The following PKP2 variants were observed in gnomAD, a reference collection of about 807,000 sequenced individuals.
PKP2 encodes plakophilin-2.
PKP2 carries 73 observed loss-of-function variants against 83.4 expected under a neutral mutation model. That is an observed-to-expected ratio of 0.88 (90% CI 0.72 to 1.06). PKP2 has a LOEUF of 1.06. Ranked by LOEUF, PKP2 falls within the 50% of genes least tolerant of loss-of-function variation. The pLI is 0.00. For missense variants in PKP2, 966 were observed against 1,065.4 expected (o/e 0.91, Z 1.30); for synonymous variants, 409 against 430.4 (o/e 0.95, Z 0.62).
intron 5 of PKP2, 85 bp downstream of exon 5, chr12:32,850,681 C>T (rs1956687479): frequency 9.7e-7 from 1 of 1,029,872 alleles, no homozygotes; most frequent in Admixed American, 1.9e-5. Context: ...TCATTTGCTC[C>T]AGGAAACTTA....
At chr12:32,855,564 C>A (rs575455577) in intron 4 of PKP2, among the ~76,000 whole-genome samples, 6 of 152,168 alleles carry the variant, frequency 3.9e-5, no homozygotes, top group Admixed American at 1.3e-4. Flanking sequence ...CACTTGAGGT[C>A]AGGAGTTCGA....
intron 5 of PKP2, among the ~76,000 whole-genome samples, chr12:32,850,155 G>A (rs904596780): frequency 1.3e-5 from 2 of 152,208 alleles, no homozygotes; most frequent in East Asian, 3.8e-4. Context: ...ATTGCAGTGA[G>A]TCTTGTCAAA....
chr12:32,797,463 G>A (rs369565950), intron 10 of PKP2, among the ~76,000 whole-genome samples: 968 of 57,360 alleles, frequency 0.017, 5 homozygotes, highest in Middle Eastern at 0.056. Context: ...AAAAAAAAAA[G>A]AATACATACT....
chr12:32,878,240 A>G lies in PKP2; in HGVS notation c.640T>C (p.Phe214Leu). The G allele has an allele frequency of 6.2e-7, 1 of 1,613,992 alleles. No homozygotes were observed. Residue 214 changes from phenylalanine (F) to leucine (L), a missense_variant, in exon 3 of 13, where the codon TTT becomes CTT. Transcript: ENST00000340811. ...RAGTTSRQRH[F>L]DTYHRQYQHG... Reference sequence around the variant, plus strand: ...TGGTACTGTCTGTGGTATGTGTCAAAGTGGCGCTGCCTGCTTGTGGTGCCA... The same window carrying G: ...TGGTACTGTCTGTGGTATGTGTCAAGGTGGCGCTGCCTGCTTGTGGTGCCA...
chr12:32,815,712 G>T (rs1956314344), intron 9 of PKP2, among the ~76,000 whole-genome samples: 1 of 152,132 alleles, frequency 6.6e-6, no homozygotes, highest in Non-Finnish European at 1.5e-5. Context: ...TATATGCTGA[G>T]ATATAATAAA....
rs7135376 is a variant in PKP2 at position 32,852,298 on chromosome 12, C to T, written c.1171-1325G>A. Among the ~76,000 whole-genome samples the T allele has an allele frequency of 5.2e-3, 787 of 152,260 alleles. 9 individuals carry two copies. Among genetic ancestry groups the T allele is most frequent in the African/African-American group, 0.017 (706 of 41,528 alleles). The stretch of plus-strand genomic sequence containing the variant: ...AGTTTATGCTCAGCGGAGAGCTGCA[C>T]GCCTGGCCAGGGGCAGATTTGCATA... On this transcript the variant is annotated intron_variant, in intron 4 of 12. Coordinates refer to ENST00000340811, the MANE Select transcript of PKP2 (RefSeq NM_001005242.3).
intron 4 of PKP2, among the ~76,000 whole-genome samples, chr12:32,862,237 T>C (rs1956805990): frequency 1.3e-5 from 2 of 152,196 alleles, no homozygotes; most frequent in African/African-American, 4.8e-5. Flanking sequence ...TAACCTGGAA[T>C]TCTAAAGCCA....
At chr12:32,863,690 T>C (rs1274574945) in intron 4 of PKP2, among the ~76,000 whole-genome samples, 1 of 152,158 alleles carries the variant, frequency 6.6e-6, no homozygotes, top group Non-Finnish European at 1.5e-5. Flanking sequence ...AAGAACCTTC[T>C]CACACATAAA....
At position 32,878,274 on chromosome 12, in the gene PKP2, G is replaced by C; in HGVS notation, c.606C>G (p.Val202=). The change falls in exon 3 of 13, where the codon GTC becomes GTG. Residue 202 remains valine, a synonymous_variant. Transcript: ENST00000340811. ...PRYARSEIVG[V]SRAGTTSRQR... ...GCCTGCTTGTGGTGCCAGCACGGCT[G>C]ACCCCCACGATCTCGGAACGAGCAT... 6.2e-7 allele frequency: 1 copy of C among 1,614,032 alleles called. No homozygotes were observed. The highest frequency in any genetic ancestry group is 1.1e-5 in the South Asian group (1 of 91,072).
intron 11 of PKP2, among the ~76,000 whole-genome samples, chr12:32,795,542 A>G (rs1391748571): frequency 6.6e-6 from 1 of 151,984 alleles, no homozygotes; most frequent in African/African-American, 2.4e-5. Flanking sequence ...CACCACACCC[A>G]GCTAATTTTT....
Position 32,869,051 on chromosome 12 carries a change from A to C in PKP2, c.1046T>G (p.Met349Arg). ...CACTGCTCGCTCCAGAGTCATCTCCATGTCTGCATTCCTAGACAAACAGGC... is the reference window on the plus strand; with the variant it reads ...CACTGCTCGCTCCAGAGTCATCTCCCTGTCTGCATTCCTAGACAAACAGGC... ...FTDSQLGNAD[M>R]EMTLERAVSM... Residue 349 changes from methionine (M) to arginine (R), a missense_variant, in exon 4 of 13, where the codon ATG becomes AGG. Coordinates refer to ENST00000340811, the MANE Select transcript of PKP2 (RefSeq NM_001005242.3). 6.2e-7 allele frequency: 1 copy of C among 1,613,958 alleles called. No homozygotes were observed. The highest frequency in any genetic ancestry group is 1.7e-5 in the Admixed American group (1 of 60,014).
chr12:32,816,044 G>A (rs1370384575), intron 9 of PKP2, among the ~76,000 whole-genome samples: 1 of 152,104 alleles, frequency 6.6e-6, no homozygotes, highest in Non-Finnish European at 1.5e-5. Context: ...GATCATTAAT[G>A]AGGTTGAAAA....
chr12:32,861,009 C>T (rs1956793167), intron 4 of PKP2, among the ~76,000 whole-genome samples: 1 of 151,428 alleles, frequency 6.6e-6, no homozygotes, highest in South Asian at 2.1e-4. Context: ...GCCTGGGTGA[C>T]AGAGCAAGAC....
intron 10 of PKP2, 36 bp from the exon 11 acceptor site, chr12:32,796,334 A>C: frequency 6.5e-7 from 1 of 1,534,488 alleles, no homozygotes; most frequent in Non-Finnish European, 9.0e-7. Context: ...CACTTGATTA[A>C]AAAGATTGTT....
chr12:32,796,308 G>GAA lies in PKP2; in HGVS notation c.2168-12_2168-11dup, dbSNP rs746936605. Reference sequence around the variant, plus strand: ...GGGAGAGTTTCTTTGGCTACAAAATGAAAAAAAAAACAAAACACTTGATTA... The same window carrying GAA: ...GGGAGAGTTTCTTTGGCTACAAAATGAAAAAAAAAAAACAAAACACTTGATTA... On this transcript the variant is annotated splice_polypyrimidine_tract_variant and intron_variant, in intron 10 of 12. Transcript: ENST00000340811. 106 of 1,414,732 alleles carry GAA rather than the reference G, an allele frequency of 7.5e-5. No homozygotes were observed. Among genetic ancestry groups the GAA allele is most frequent in the African/African-American group, 6.1e-4 (41 of 66,868 alleles). 87.6% of individuals were successfully genotyped at this position (1,414,732 alleles called of 1,614,324 possible).
chr12:32,830,112 T>C (rs557721233), intron 6 of PKP2, among the ~76,000 whole-genome samples: 14 of 152,364 alleles, frequency 9.2e-5, no homozygotes, highest in African/African-American at 3.1e-4. Context: ...ACCAGTCAGA[T>C]AAACACTTGG....
At chr12:32,814,524 C>A (rs909864795) in intron 9 of PKP2, among the ~76,000 whole-genome samples, 2 of 152,156 alleles carry the variant, frequency 1.3e-5, no homozygotes, top group Non-Finnish European at 2.9e-5. Flanking sequence ...TCATCAAGAA[C>A]TTTAGTTCCT....
intron 3 of PKP2, among the ~76,000 whole-genome samples, chr12:32,870,857 A>T (rs1956890424): frequency 6.6e-6 from 1 of 152,138 alleles, no homozygotes; most frequent in Admixed American, 6.6e-5. Context: ...CATCTCTAAC[A>T]CCCACAAATA....
chr12:32,801,691 G>A (rs897020246), intron 10 of PKP2, among the ~76,000 whole-genome samples: 1 of 152,124 alleles, frequency 6.6e-6, no homozygotes, highest in Non-Finnish European at 1.5e-5. Flanking sequence ...AGAGCATTAT[G>A]AAGCATGTTT....
Sources: gnomAD v4.1 joint callset for allele counts (sites outside exome capture counted in the v4.1 genomes callset) on GRCh38, gnomAD v4.1.1 for gene constraint, MANE v1.5 for transcripts, NCBI Gene and HGNC (gene_info 2026-07-23, HGNC 2026-07-21) for gene names.